PCDHA8: variants seen among roughly 807,000 people sequenced by gnomAD.
PCDHA8 encodes the protein protocadherin alpha 8, also known as protocadherin alpha-8.
In PCDHA8, 53 loss-of-function variants were observed where a neutral mutation model predicts 61.8. The ratio of observed to expected loss-of-function variants is 0.86; its 90% CI spans 0.69 to 1.08. The LOEUF is 1.08. Ranked by LOEUF, PCDHA8 falls within the 50% of genes least tolerant of loss-of-function variation. The pLI is 0.00. For missense variants in PCDHA8, 1,293 were observed against 1,245.0 expected (o/e 1.04, Z -0.58); for synonymous variants, 618 against 556.6 (o/e 1.11, Z -1.55).
At chr5:141,006,375 CTAAG>C (rs2098270775) in intron 3 of PCDHA8, among the ~76,000 whole-genome samples, 1 of 151,930 alleles carries the variant, frequency 6.6e-6, no homozygotes, top group Admixed American at 6.6e-5. Flanking sequence ...CCACGCCCGG[CTAAG>C]TTTTTTCTAT....
At chr5:140,916,967 G>T (rs1215722713) in intron 1 of PCDHA8, among the ~76,000 whole-genome samples, 1 of 152,194 alleles carries the variant, frequency 6.6e-6, no homozygotes, top group African/African-American at 2.4e-5. Flanking sequence ...TGACTGCTGG[G>T]ATGAGTGATT....
intron 3 of PCDHA8, among the ~76,000 whole-genome samples, chr5:140,993,020 C>G (rs2097537480): frequency 6.6e-6 from 1 of 152,192 alleles, no homozygotes; most frequent in African/African-American, 2.4e-5. Flanking sequence ...TCCAGCATCC[C>G]CTGTGGGCTC....
At chr5:140,968,189 T>C (rs181004208) in intron 1 of PCDHA8, 2 of 1,614,034 alleles carry the variant, frequency 1.2e-6, no homozygotes, top group Middle Eastern at 1.6e-4. Flanking sequence ...GGACTCCTAT[T>C]CCATCTACAT....
intron 1 of PCDHA8, chr5:140,884,082 C>A (rs2059986179): frequency 1.2e-6 from 2 of 1,613,558 alleles, no homozygotes; most frequent in Non-Finnish European, 8.5e-7. Flanking sequence ...GGCTACAATG[C>A]GTGGCTTTCG....
intron 1 of PCDHA8, chr5:140,862,407 C>T: frequency 2.8e-6 from 1 of 351,564 alleles, no homozygotes; most frequent in Non-Finnish European, 5.6e-6. Flanking sequence ...TGTCTACCTT[C>T]AAAAGGCGCT....
intron 1 of PCDHA8, chr5:140,967,010 C>G: frequency 6.2e-7 from 1 of 1,606,340 alleles, no homozygotes. Flanking sequence ...CATCAACCAT[C>G]TGGGTGCGCC....
chr5:140,883,090 T>A (rs550322124), intron 1 of PCDHA8: 1 of 1,614,020 alleles, frequency 6.2e-7, no homozygotes, highest in East Asian at 2.2e-5. Flanking sequence ...ATGGTACAAA[T>A]GGAGATATAG....
chr5:140,881,625 A>G (rs2058773266), intron 1 of PCDHA8, among the ~76,000 whole-genome samples: 1 of 152,210 alleles, frequency 6.6e-6, no homozygotes, highest in African/African-American at 2.4e-5. Context: ...AAAATCTGAT[A>G]TATCAGTTAC....
rs534013349 is a variant in PCDHA8, at chr5:140,881,427, A to G, written c.2394+37712A>G. ...AATCAATAGGATATTAGTTCCAGGC[A>G]TATTTTATAAAAACAGAATCCAAAA... On this transcript the variant is annotated intron_variant, in intron 1 of 3. Transcript: ENST00000531613. 6.5e-5 allele frequency: 58 copies of G among 895,354 alleles called. No individual in the cohort carries two copies. In the African/African-American group the frequency reaches 9.9e-4, roughly 15 times the overall value. The allele number at this position is 895,354 out of a possible 1,614,324, so 55.5% of individuals were successfully genotyped here. A position where few individuals can be genotyped will look rare whatever the true frequency, so the allele number is the denominator to read the frequency against.
At chr5:140,902,203 C>CTTTTTTTTT (rs148688132) in intron 1 of PCDHA8, among the ~76,000 whole-genome samples, 1 of 124,460 alleles carries the variant, frequency 8.0e-6, no homozygotes. Flanking sequence ...CTCTCTCTTT[C>CTTTTTTTTT]TTTTTTTTTT....
At chr5:140,991,078 A>T (rs1378051907) in intron 3 of PCDHA8, among the ~76,000 whole-genome samples, 1 of 152,188 alleles carries the variant, frequency 6.6e-6, no homozygotes, top group Non-Finnish European at 1.5e-5. Context: ...TGTTTCAGAT[A>T]AAAAAATTAA....
At chr5:140,915,190 G>A (rs1317793585) in intron 1 of PCDHA8, among the ~76,000 whole-genome samples, 1 of 151,978 alleles carries the variant, frequency 6.6e-6, no homozygotes, top group Non-Finnish European at 1.5e-5. Context: ...CTAGTGATCC[G>A]CCCATCTTGG....
At chr5:140,966,232 C>A (rs1353392797) in intron 1 of PCDHA8, 14 of 285,432 alleles carry the variant, frequency 4.9e-5, no homozygotes, top group African/African-American at 2.4e-4. Flanking sequence ...TCCTTAAAGA[C>A]CCGTTAAGCA....
intron 1 of PCDHA8, chr5:140,928,140 G>C (rs200493520): frequency 2.5e-5 from 41 of 1,614,036 alleles, no homozygotes; most frequent in Non-Finnish European, 3.2e-5. Context: ...TCCTGATCAC[G>C]GCCTCAGATA....
chr5:140,969,140 T>G, intron 1 of PCDHA8: 1 of 1,613,980 alleles, frequency 6.2e-7, no homozygotes, highest in Non-Finnish European at 8.5e-7. Flanking sequence ...CAAGACCTAC[T>G]GCTACAAGGC....
chr5:140,863,010 A>ACGCCTGGTTGT (rs782452232), intron 1 of PCDHA8: 1 of 552,120 alleles, frequency 1.8e-6, no homozygotes, highest in African/African-American at 1.9e-5. Context: ...TCCAGCTATG[A>ACGCCTGGTTGT]CGCCTGGTTG....
chr5:140,967,114 C>T (rs782407413), intron 1 of PCDHA8: 17 of 1,612,932 alleles, frequency 1.1e-5, no homozygotes, highest in Non-Finnish European at 1.4e-5. Flanking sequence ...AGCGGCCTCG[C>T]TGCCTGCTCA....
chr5:140,928,701 G>T, intron 1 of PCDHA8: 1 of 1,614,132 alleles, frequency 6.2e-7, no homozygotes, highest in Non-Finnish European at 8.5e-7. Context: ...TCTCCCGGGC[G>T]TCTGACTCTA....
At chr5:140,989,555 T>G (rs923190578) in intron 3 of PCDHA8, among the ~76,000 whole-genome samples, 1 of 152,204 alleles carries the variant, frequency 6.6e-6, no homozygotes, top group African/African-American at 2.4e-5. Flanking sequence ...CCTTTACGTT[T>G]TGTGGCTCCG....
Sources: allele counts gnomAD v4.1 joint callset (sites outside exome capture counted in the v4.1 genomes callset), GRCh38; gene constraint gnomAD v4.1.1; transcripts MANE v1.5; gene names NCBI Gene and HGNC (gene_info 2026-07-23, HGNC 2026-07-21).